OCM: variants seen among roughly 807,000 people sequenced by gnomAD.
OCM encodes the protein oncomodulin-1.
OCM carries 18 observed loss-of-function variants against 14.1 expected under a neutral mutation model. The observed-to-expected ratio is 1.28, with a 90% CI of 0.88 to 1.89. The LOEUF is 1.89. Among genes scored for constraint, OCM ranks in the 40% most tolerant of loss-of-function variants. The pLI, the probability that OCM is intolerant of heterozygous loss-of-function variation, is 0.00. For missense variants in OCM, 140 were observed against 137.6 expected, an observed-to-expected ratio of 1.02 and a Z score of -0.09; for synonymous variants, 48 against 51.0, an observed-to-expected ratio of 0.94 and a Z score of 0.25.
chr7:5,868,604 T>C, the OCM span, among the ~76,000 whole-genome samples: 1 of 152,122 alleles, frequency 6.6e-6, no homozygotes, highest in African/African-American at 2.4e-5. Flanking sequence ...ACATAGCCAG[T>C]AGTCTCTCAG....
At chr7:5,863,696 C>T in the OCM span, among the ~76,000 whole-genome samples, 1 of 152,004 alleles carries the variant, frequency 6.6e-6, no homozygotes, top group African/African-American at 2.4e-5. Flanking sequence ...CCACGCCCAG[C>T]TAATTTTTTG....
chr7:5,884,637 G>A (rs1253427936), intron 3 of OCM, among the ~76,000 whole-genome samples: 4 of 151,492 alleles, frequency 2.6e-5, no homozygotes, highest in Non-Finnish European at 5.9e-5. Context: ...CTTTGTGCCT[G>A]CCAACTCAGC....
At chr7:5,867,490 C>G in the OCM span, among the ~76,000 whole-genome samples, 1 of 152,096 alleles carries the variant, frequency 6.6e-6, no homozygotes, top group Non-Finnish European at 1.5e-5. Context: ...TTTTCCTCCT[C>G]TTATTTTTTC....
the OCM span, among the ~76,000 whole-genome samples, chr7:5,866,379 A>G: frequency 1.8e-5 from 1 of 54,806 alleles, no homozygotes; most frequent in African/African-American, 2.1e-4. Context: ...GGAGGGAGGA[A>G]AGGAGGAAGA....
chr7:5,881,629 CTAAATAAATAAA>C (rs113644646), intron 1 of OCM, among the ~76,000 whole-genome samples: 1 of 148,622 alleles, frequency 6.7e-6, no homozygotes, highest in South Asian at 2.1e-4. Context: ...GACTCTGGCT[CTAAATAAATAAA>C]TAAATAAATA....
At chr7:5,862,683 T>A in the OCM span, among the ~76,000 whole-genome samples, 1 of 152,044 alleles carries the variant, frequency 6.6e-6, no homozygotes, top group Non-Finnish European at 1.5e-5. Context: ...TCTTTTCACG[T>A]TTATCTTATG....
chr7:5,863,608 C>T, the OCM span, among the ~76,000 whole-genome samples: 2 of 151,062 alleles, frequency 1.3e-5, no homozygotes, highest in South Asian at 2.1e-4. Flanking sequence ...TCTCAGCTCA[C>T]TGCAACCTCC....
At chr7:5,880,735 G>C, upstream of OCM, 1 of 653,348 alleles carries the variant, frequency 1.5e-6, no homozygotes, top group Non-Finnish European at 2.6e-6. Context: ...CTCCAGCCTG[G>C]GTGACAGAGT....
the OCM span, among the ~76,000 whole-genome samples, chr7:5,870,536 C>T: frequency 6.6e-6 from 1 of 152,218 alleles, no homozygotes; most frequent in Admixed American, 6.5e-5. Context: ...TAAGCCATTA[C>T]TCCAGGCCGT....
In OCM at chr7:5,884,011, C is replaced by T. The variant is rs748764159; in HGVS notation, c.304+12C>T. 3.7e-6 allele frequency: 6 copies of T among 1,611,024 alleles called. No homozygotes were observed. The highest frequency in any genetic ancestry group is 2.2e-5 in the East Asian group (1 of 44,856). ...AATTGGAGCAGAGGGTATGTCCACA[C>T]GTGTACGTAGCATAAAACACTCTAG... On this transcript the variant is annotated intron_variant, in intron 3 of 3. Transcript: ENST00000242104.
the OCM span, among the ~76,000 whole-genome samples, chr7:5,860,719 T>TAC: frequency 7.1e-6 from 1 of 140,460 alleles, no homozygotes; most frequent in Non-Finnish European, 1.6e-5. Context: ...CGTGTATATA[T>TAC]ACGTGTATAT....
At chr7:5,875,560 G>A (rs551701968), upstream of OCM, among the ~76,000 whole-genome samples, 4 of 151,752 alleles carry the variant, frequency 2.6e-5, no homozygotes, top group East Asian at 3.9e-4. Context: ...TTCCCATCTC[G>A]GCCTCCCAAA....
the OCM span, among the ~76,000 whole-genome samples, chr7:5,866,177 T>A: frequency 6.6e-6 from 1 of 150,884 alleles, no homozygotes; most frequent in African/African-American, 2.4e-5. Flanking sequence ...AAAATTTAAT[T>A]AGCTGGTTCT....
the OCM span, among the ~76,000 whole-genome samples, chr7:5,869,732 C>T: frequency 1.3e-4 from 20 of 152,294 alleles, no homozygotes; most frequent in South Asian, 8.3e-4. Context: ...GCTTCTTCTG[C>T]ACTACCCAGC....
At chr7:5,881,833 T>C (rs1188512181) in intron 1 of OCM, among the ~76,000 whole-genome samples, 1 of 151,928 alleles carries the variant, frequency 6.6e-6, no homozygotes, top group Non-Finnish European at 1.5e-5. Flanking sequence ...ACACCTGTAA[T>C]CCCAACACTT....
At chr7:5,869,284 A>C in the OCM span, among the ~76,000 whole-genome samples, 1 of 152,026 alleles carries the variant, frequency 6.6e-6, no homozygotes, top group South Asian at 2.1e-4. Flanking sequence ...GGCCATTGGC[A>C]GCTGGAGTCT....
chr7:5,864,829 T>C, the OCM span, among the ~76,000 whole-genome samples: 1 of 151,890 alleles, frequency 6.6e-6, no homozygotes, highest in Non-Finnish European at 1.5e-5. Context: ...TCCCAGCTAC[T>C]TGAGAAACTG....
At chr7:5,866,589 A>G in the OCM span, among the ~76,000 whole-genome samples, 1 of 152,154 alleles carries the variant, frequency 6.6e-6, no homozygotes, top group Non-Finnish European at 1.5e-5. Context: ...TTATTATATT[A>G]AAAAACCAAA....
the OCM span, among the ~76,000 whole-genome samples, chr7:5,871,185 C>A: frequency 1.3e-5 from 2 of 149,944 alleles, no homozygotes; most frequent in Non-Finnish European, 3.0e-5. Context: ...CCCCCCCCGT[C>A]TCTACAAAAA....
Sources: gnomAD v4.1 joint callset for allele counts (sites outside exome capture counted in the v4.1 genomes callset) on GRCh38, gnomAD v4.1.1 for gene constraint, MANE v1.5 for transcripts, NCBI Gene and HGNC (gene_info 2026-07-23, HGNC 2026-07-21) for gene names.